The following CLASP2 variants were observed in gnomAD, a reference collection of about 807,000 sequenced individuals.
The protein encoded by CLASP2 is CLIP-associating protein 2.
In CLASP2, 47 loss-of-function variants were observed where a neutral mutation model predicts 194.4. The observed-to-expected ratio is 0.24, with a 90% CI of 0.19 to 0.31. CLASP2 has a LOEUF of 0.31. Ranked by LOEUF, CLASP2 falls within the 10% of genes least tolerant of loss-of-function variation. The pLI, the probability that CLASP2 is intolerant of heterozygous loss-of-function variation, is 1.00. For synonymous variants in CLASP2, 619 were observed against 633.5 expected (o/e 0.98, Z 0.34); for missense variants, 1,445 against 1,823.6 (o/e 0.79, Z 3.78).
intron 8 of CLASP2, among the ~76,000 whole-genome samples, chr3:33,635,085 C>T (rs1484855090): frequency 3.3e-5 from 5 of 151,378 alleles, no homozygotes; most frequent in Non-Finnish European, 7.4e-5. Context: ...AACCATGTCT[C>T]TACTAAAAAT....
chr3:33,711,370 CG>C (rs1559712353), intron 1 of CLASP2, among the ~76,000 whole-genome samples: 1 of 151,458 alleles, frequency 6.6e-6, no homozygotes, highest in East Asian at 1.9e-4. Context: ...CTCAGCCTCC[CG>C]AATAGCTAGG....
intron 5 of CLASP2, among the ~76,000 whole-genome samples, chr3:33,685,918 G>T (rs945524585): frequency 2.0e-5 from 3 of 152,066 alleles, no homozygotes; most frequent in African/African-American, 7.3e-5. Context: ...GGAGCTAGAT[G>T]GTGGTGATGG....
At chr3:33,701,944 GA>G (rs1166470944) in intron 1 of CLASP2, among the ~76,000 whole-genome samples, 1 of 151,530 alleles carries the variant, frequency 6.6e-6, no homozygotes, top group African/African-American at 2.4e-5. Context: ...AAACATAAAA[GA>G]AAAAAACATA....
intron 37 of CLASP2, chr3:33,505,555 G>A (rs1316687647): frequency 6.6e-6 from 1 of 152,162 alleles, no homozygotes; most frequent in Non-Finnish European, 1.5e-5. Flanking sequence ...AGCAACCACT[G>A]AGCTGGCCAA....
At chr3:33,624,350 G>A (rs1243897899) in intron 10 of CLASP2, among the ~76,000 whole-genome samples, 1 of 151,998 alleles carries the variant, frequency 6.6e-6, no homozygotes, top group Middle Eastern at 3.4e-3. Flanking sequence ...ATATAAGGAA[G>A]GGAAAACTAT....
In CLASP2 at chr3:33,616,819, C is replaced by T. The variant is rs548870805; in HGVS notation, c.1317+2784G>A. On this transcript the variant is annotated intron_variant, in intron 12 of 38. Coordinates refer to ENST00000682230, the MANE Select transcript of CLASP2 (RefSeq NM_001365631.1). ...GTGGCGTAATCTCGGCTCACTGCAA[C>T]CTCCCCCTCCCAAGTTCAAGCAATA... Among the ~76,000 whole-genome samples the T allele has an allele frequency of 3.3e-4, 48 of 146,654 alleles. 1 individual carries two copies. Among genetic ancestry groups the T allele is most frequent in the Middle Eastern group, 3.8e-3 (1 of 266 alleles).
At position 33,566,831 on chromosome 3, in the gene CLASP2, T is replaced by G. The variant is rs1246829053; in HGVS notation, c.2764-97A>C. The G allele has an allele frequency of 3.1e-5, 12 of 382,994 alleles. No homozygotes were observed. The Admixed American group carries it at 4.3e-4, about 14-fold the overall frequency. 23.7% of individuals were successfully genotyped at this position (382,994 alleles called of 1,614,324 possible). Reference sequence around the variant, plus strand: ...AGTCGCCATCAATGCAAAGTTCCTGTATGGAAGAAAAACACTCAGAAAATA... The same window carrying G: ...AGTCGCCATCAATGCAAAGTTCCTGGATGGAAGAAAAACACTCAGAAAATA... On this transcript the variant is annotated intron_variant, in intron 26 of 38. Transcript: ENST00000682230.
Position 33,570,772 on chromosome 3 carries a change from T to G in CLASP2, c.2718A>C (p.Arg906Ser), listed in dbSNP as rs1232692530. The G allele has an allele frequency of 6.3e-7, 1 of 1,588,812 alleles. No individual in the cohort carries two copies. Among genetic ancestry groups the G allele is most frequent in the Non-Finnish European group, 8.6e-7 (1 of 1,167,140 alleles). ...ACATTCTTGTGAAAATTTCACATAA[T>G]CTTTTCAGTTCAACTCGACTGCCAA... ...QRTLSRVELK[R>S]LCEIFTRMFA... is the part of the protein sequence containing the mutation. Residue 906 changes from arginine to serine, a missense_variant, in exon 26 of 39, where the codon AGA becomes AGC. Arg to Ser is a moderately radical substitution (Grantham distance 110). Around this residue, in one of 4 missense-constraint regions of CLASP2, gnomAD observed 732 missense variants for 987.9 expected, o/e 0.74. Transcript: ENST00000682230.
At chr3:33,553,118 G>C (rs1230012160) in intron 29 of CLASP2, among the ~76,000 whole-genome samples, 1 of 151,834 alleles carries the variant, frequency 6.6e-6, no homozygotes, top group South Asian at 2.1e-4. Context: ...CCTTACTATC[G>C]ACTTTAATGT....
intron 21 of CLASP2, among the ~76,000 whole-genome samples, chr3:33,587,603 G>A (rs1444592949): frequency 6.6e-6 from 1 of 152,120 alleles, no homozygotes; most frequent in South Asian, 2.1e-4. Context: ...CTGTATAGAA[G>A]GAATTCTAAA....
At chr3:33,617,842 C>G (rs2154274907) in intron 12 of CLASP2, among the ~76,000 whole-genome samples, 1 of 150,300 alleles carries the variant, frequency 6.7e-6, no homozygotes, top group African/African-American at 2.4e-5. Flanking sequence ...GCCAAAGATA[C>G]TGATAAAAGA....
chr3:33,637,254 AGGTGTGGT>A (rs1369829929), intron 8 of CLASP2, among the ~76,000 whole-genome samples: 3 of 152,154 alleles, frequency 2.0e-5, no homozygotes, highest in African/African-American at 7.2e-5. Context: ...TAGAATTCTC[AGGTGTGGT>A]GGCTCACGTC....
intron 36 of CLASP2, among the ~76,000 whole-genome samples, chr3:33,515,357 T>C (rs1335097433): frequency 6.6e-6 from 1 of 152,222 alleles, no homozygotes; most frequent in Admixed American, 6.5e-5. Context: ...TTCACGGAAC[T>C]CTTCCATGAA....
intron 6 of CLASP2, among the ~76,000 whole-genome samples, chr3:33,677,147 G>A (rs912315493): frequency 1.1e-4 from 16 of 152,104 alleles, no homozygotes; most frequent in Non-Finnish European, 2.2e-4. Context: ...TCAGTGTGGC[G>A]ATTCCTCAGG....
At chr3:33,641,671 G>A (rs999776865) in intron 8 of CLASP2, among the ~76,000 whole-genome samples, 1 of 151,638 alleles carries the variant, frequency 6.6e-6, no homozygotes, top group Non-Finnish European at 1.5e-5. Flanking sequence ...CCCTAATCTG[G>A]ATATATATCT....
At chr3:33,561,101 CA>C in intron 27 of CLASP2, 130 bp from the exon 28 acceptor site, 1 of 741,784 alleles carries the variant, frequency 1.3e-6, no homozygotes, top group Non-Finnish European at 2.2e-6. Context: ...AGCGGAAAAA[CA>C]ATCTCTCTTG....
At position 33,713,458 on chromosome 3, in the gene CLASP2, C is replaced by G. The variant is rs532412978; in HGVS notation, c.195+4350G>C. Among the ~76,000 whole-genome samples, 4 of 152,182 alleles carry G rather than the reference C, an allele frequency of 2.6e-5. No homozygotes were observed. The East Asian group carries it at 7.7e-4, about 29-fold the overall frequency. ...GGCAGGTAAATGGAATAGGCAACAT[C>G]AATATGTATTAATGGGTAGATAAAC... On this transcript the variant is annotated intron_variant, in intron 1 of 38. Transcript: ENST00000682230.
chr3:33,659,452 G>T (rs2084907709), intron 7 of CLASP2: 2 of 974,114 alleles, frequency 2.1e-6, no homozygotes, highest in Non-Finnish European at 2.4e-6. Context: ...CACATGATCT[G>T]ATGGATTAAC....
chr3:33,631,713 AT>A (rs1356406441), intron 9 of CLASP2, among the ~76,000 whole-genome samples: 36 of 151,682 alleles, frequency 2.4e-4, no homozygotes, highest in African/African-American at 8.0e-4. Context: ...AAAAAAAAAA[AT>A]TCATTGCAGC....
Sources: allele counts gnomAD v4.1 joint callset (sites outside exome capture counted in the v4.1 genomes callset), GRCh38; gene constraint gnomAD v4.1.1; regional missense constraint gnomAD v4.1.1; transcripts MANE v1.5; gene names NCBI Gene and HGNC (gene_info 2026-07-23, HGNC 2026-07-21).